The following PPP2R3B variants were observed in gnomAD, a reference collection of about 807,000 sequenced individuals.
PPP2R3B encodes protein phosphatase 2 regulatory subunit B''beta.
A neutral mutation model predicts 72.9 loss-of-function variants in PPP2R3B; 68 were observed. The observed-to-expected ratio is 0.93, with a 90% CI of 0.77 to 1.14. The LOEUF (loss-of-function observed/expected upper bound fraction) is 1.14, where lower values mean the gene tolerates loss of function less well. Ranked by LOEUF, PPP2R3B falls within the 50% of genes most tolerant of loss-of-function variation. PPP2R3B has a pLI of 0.00. For missense variants in PPP2R3B, 1,018 were observed against 842.0 expected (o/e 1.21, Z -2.59); for synonymous variants, 466 against 375.8 (o/e 1.24, Z -2.78).
In PPP2R3B at chrX:334,359, G is replaced by GGGCGGCGTCAC; in HGVS notation, c.1725_*7dup. The GGGCGGCGTCAC allele has an allele frequency of 6.8e-7, 1 of 1,476,206 alleles. No homozygotes were observed. The highest frequency in any genetic ancestry group is 8.9e-7 in the Non-Finnish European group (1 of 1,124,414). The allele number at this position is 1,476,206 out of a possible 1,614,324, so 91.4% of individuals were successfully genotyped here. On this transcript the variant is annotated 3_prime_UTR_variant, in exon 13 of 13. Coordinates refer to ENST00000390665, the MANE Select transcript of PPP2R3B (RefSeq NM_013239.5). ...AGCGGCCCCGCGGCGGCGTTCTCGC[G>GGGCGGCGTCAC]GGCGGCGTCACAGCGGCTCCAGGTC...
At position 345,641 on chromosome X, in the gene PPP2R3B, A is replaced by G. The variant is rs1383074644; in HGVS notation, c.911T>C (p.Ile304Thr). The change falls in exon 7 of 13, where the codon ATC (isoleucine) becomes ACC (threonine). Residue 304 changes from isoleucine to threonine, a missense_variant. Physicochemically the swap from Ile to Thr is moderately conservative, Grantham distance 89. Transcript: ENST00000390665. ...NVALLEEEADINQLTEFFSYE... is the reference protein window; with the variant it reads ...NVALLEEEADTNQLTEFFSYE... ...CGAGAAGAATTCGGTCAGCTGGTTG[A>G]TGTCCGCCTCCTCCTCCAGCAGCGC... The G allele has an allele frequency of 6.2e-7, 1 of 1,612,880 alleles. No homozygotes were observed. The highest frequency in any genetic ancestry group is 8.5e-7 in the Non-Finnish European group (1 of 1,179,514).
chrX:334,145 C>T lies in PPP2R3B; in HGVS notation c.*222G>A, dbSNP rs2070819386. ...GCGCCAGAGGGTGTCCGTGTGGGAA[C>T]CCGTCCCATTCACGCGCGGCCCTAC... On this transcript the variant is annotated 3_prime_UTR_variant, in exon 13 of 13. Transcript: ENST00000390665. The T allele has an allele frequency of 2.2e-6, 1 of 450,006 alleles. No individual in the cohort carries two copies. Among genetic ancestry groups the T allele is most frequent in the Non-Finnish European group, 3.8e-6 (1 of 265,962 alleles). The allele number at this position is 450,006 out of a possible 1,614,324, so 27.9% of individuals were successfully genotyped here.
At chrX:367,096 A>G (rs1479139589) in intron 1 of PPP2R3B, among the ~76,000 whole-genome samples, 1 of 151,998 alleles carries the variant, frequency 6.6e-6, no homozygotes, top group Non-Finnish European at 1.5e-5. Context: ...GCACCCCATT[A>G]ACAGACACTC....
chrX:386,629 G>A lies in PPP2R3B; in HGVS notation c.63C>T (p.Tyr21=), dbSNP rs1167893996. 4.9e-6 allele frequency: 7 copies of A among 1,438,132 alleles called. No homozygotes were observed. The highest frequency in any genetic ancestry group is 1.5e-5 in the African/African-American group (1 of 67,874). The allele number at this position is 1,438,132 out of a possible 1,614,324, so 89.1% of individuals were successfully genotyped here. ...LKMKVDELFL[Y]WLSEASTQRM... ...GCTGCGTGCTGGCCTCGCTGAGCCA[G>A]TACAGGAACAGCTCGTCCACCTTCA... The change falls in exon 1 of 13, where the codon TAC becomes TAT. Residue 21 remains tyrosine (Y), a synonymous_variant. Coordinates refer to ENST00000390665, the MANE Select transcript of PPP2R3B (RefSeq NM_013239.5).
intron 1 of PPP2R3B, among the ~76,000 whole-genome samples, chrX:381,790 G>A (rs947350600): frequency 6.6e-6 from 1 of 151,914 alleles, no homozygotes. Context: ...AGTAGAGACA[G>A]GGTTTCACTG....
chrX:341,811 G>A (rs953138098), intron 8 of PPP2R3B, 72 bp downstream of exon 8: 2 of 1,531,424 alleles, frequency 1.3e-6, no homozygotes, highest in African/African-American at 1.4e-5. Context: ...CTCACGTCAG[G>A]CAACGATGAG....
In PPP2R3B at chrX:361,534, G is replaced by A. The variant is rs746509401; in HGVS notation, c.381C>T (p.Thr127=). 2.5e-6 allele frequency: 4 copies of A among 1,614,010 alleles called. No individual in the cohort carries two copies. In the East Asian group the frequency reaches 6.7e-5, roughly 27 times the overall value. The change falls in exon 2 of 13, where the codon ACC becomes ACT. Residue 127 remains threonine (T), a synonymous_variant. Coordinates refer to ENST00000390665, the MANE Select transcript of PPP2R3B (RefSeq NM_013239.5). ...LPPATSQSIP[T]FYFPRGRPQD... ...GCGGGCGTCCTCTGGGGAAGTAGAA[G>A]GTCGGAATGCTTTGGCTCGTGGCCG... is the stretch of plus-strand genomic sequence containing the variant.
At chrX:363,379 A>G (rs1299418364) in intron 1 of PPP2R3B, among the ~76,000 whole-genome samples, 19 of 147,416 alleles carry the variant, frequency 1.3e-4, no homozygotes, top group Non-Finnish European at 2.1e-4. Flanking sequence ...CCACCATCCC[A>G]CAGTGCATCT....
chrX:341,806 G>A lies in PPP2R3B; in HGVS notation c.1085+77C>T, dbSNP rs773241230. 38 of 1,509,192 alleles carry A rather than the reference G, an allele frequency of 2.5e-5. No homozygotes were observed. In the South Asian group the frequency reaches 2.8e-4, roughly 11 times the overall value. 93.5% of individuals were successfully genotyped at this position (1,509,192 alleles called of 1,614,324 possible). ...CGCTGTCGGGGCACAAAAAGCTCAC[G>A]TCAGGCAACGATGAGGAGAGGGACC... On this transcript the variant is annotated intron_variant, in intron 8 of 12. Transcript: ENST00000390665.
At chrX:372,903 G>A (rs2071897344) in intron 1 of PPP2R3B, among the ~76,000 whole-genome samples, 1 of 152,208 alleles carries the variant, frequency 6.6e-6, no homozygotes, top group Admixed American at 6.5e-5. Context: ...ACTCCAGCCT[G>A]GGAAACAGAG....
intron 1 of PPP2R3B, chrX:373,709 G>C (rs1395808964): frequency 6.8e-6 from 1 of 146,460 alleles, no homozygotes; most frequent in Non-Finnish European, 1.5e-5. Flanking sequence ...CGCGCTCTCG[G>C]GGCAGGGCCG....
At chrX:373,044 G>A (rs1429088494) in intron 1 of PPP2R3B, among the ~76,000 whole-genome samples, 4 of 152,166 alleles carry the variant, frequency 2.6e-5, no homozygotes, top group Non-Finnish European at 5.9e-5. Context: ...TAGCCAGTGG[G>A]AAGGAATGCT....
chrX:344,817 G>A, intron 7 of PPP2R3B: 1 of 293,188 alleles, frequency 3.4e-6, no homozygotes, highest in Non-Finnish European at 6.7e-6. Context: ...AGCCCCGGGA[G>A]ACGCAGACGG....
intron 7 of PPP2R3B, 98 bp from the exon 8 acceptor site, chrX:342,029 G>A: frequency 1.4e-6 from 2 of 1,468,912 alleles, no homozygotes; most frequent in East Asian, 2.3e-5. Context: ...GGACCGAAAA[G>A]CTGAGAGGAC....
rs1428548427 is a variant in PPP2R3B at position 341,889 on chromosome X, AC to A, written c.1078del (p.Val360SerfsTer22). 1.9e-6 allele frequency: 3 copies of A among 1,612,550 alleles called. No homozygotes were observed. Among genetic ancestry groups the A allele is most frequent in the Non-Finnish European group, 2.5e-6 (3 of 1,179,750 alleles). ...KMIDRIFSGA[V>X]TRGRKVQKEG... ...GCGCCTGAGCCGTACGTACCGTGTGACTGCTCCTGAGAAGATCCTGTCTATC... is the reference window on the plus strand; with the variant it reads ...GCGCCTGAGCCGTACGTACCGTGTGATGCTCCTGAGAAGATCCTGTCTATC... On this transcript the variant is annotated frameshift_variant, in exon 8 of 13. Transcript: ENST00000390665. LOFTEE classifies it high-confidence loss of function.
chrX:341,942 A>T lies in PPP2R3B; in HGVS notation c.1037-11T>A, dbSNP rs766939691. ...TCTTGGTAGAAAGGGCTGGAAAGGAATGCGGTTGATGGGCAGCCCGCACCG... is the reference window on the plus strand; with the variant it reads ...TCTTGGTAGAAAGGGCTGGAAAGGATTGCGGTTGATGGGCAGCCCGCACCG... On this transcript the variant is annotated splice_polypyrimidine_tract_variant and intron_variant, in intron 7 of 12. Transcript: ENST00000390665. 27 of 1,612,502 alleles carry T rather than the reference A, an allele frequency of 1.7e-5. No individual in the cohort carries two copies. Among genetic ancestry groups the T allele is most frequent in the Non-Finnish European group, 2.3e-5 (27 of 1,179,744 alleles).
intron 1 of PPP2R3B, among the ~76,000 whole-genome samples, chrX:363,915 C>G (rs1014628916): frequency 5.3e-5 from 8 of 152,254 alleles, no homozygotes; most frequent in Non-Finnish European, 7.3e-5. Flanking sequence ...GGTACACAAA[C>G]CAACCTTCCT....
intron 7 of PPP2R3B, among the ~76,000 whole-genome samples, chrX:344,331 C>T (rs1312142068): frequency 6.6e-6 from 1 of 151,776 alleles, no homozygotes; most frequent in Non-Finnish European, 1.5e-5. Context: ...GGGAGGGAGA[C>T]CTCACCAACG....
chrX:367,765 A>G (rs1349258675), intron 1 of PPP2R3B, among the ~76,000 whole-genome samples: 1 of 152,254 alleles, frequency 6.6e-6, no homozygotes, highest in Non-Finnish European at 1.5e-5. Flanking sequence ...CTGCAGAAAG[A>G]AAACAGCATT....
Sources: gnomAD v4.1 joint callset for allele counts (sites outside exome capture counted in the v4.1 genomes callset) on GRCh38, gnomAD v4.1.1 for gene constraint, MANE v1.5 for transcripts, NCBI Gene and HGNC (gene_info 2026-07-23, HGNC 2026-07-21) for gene names.